The following SMC5 variants were observed in gnomAD, a reference collection of about 807,000 sequenced individuals.
SMC5 encodes the protein structural maintenance of chromosomes protein 5.
SMC5 carries 88 observed loss-of-function variants against 148.3 expected under a neutral mutation model. The observed-to-expected ratio is 0.59, with a 90% confidence interval of 0.50 to 0.71. SMC5 has a LOEUF of 0.71. Ranked by LOEUF, SMC5 falls within the 30% of genes least tolerant of loss-of-function variation. SMC5 has a pLI of 0.00. For synonymous variants in SMC5, 421 were observed against 432.8 expected, an observed-to-expected ratio of 0.97 and a Z score of 0.34; for missense variants, 1,142 against 1,298.9, an observed-to-expected ratio of 0.88 and a Z score of 1.86.
chr9:70,263,209 T>G (rs537281114), intron 1 of SMC5, among the ~76,000 whole-genome samples: 6 of 152,190 alleles, frequency 3.9e-5, no homozygotes, highest in Non-Finnish European at 5.9e-5. Flanking sequence ...CAAACTAGTT[T>G]TATTGTAACC....
intron 9 of SMC5, among the ~76,000 whole-genome samples, chr9:70,298,503 T>C (rs1435373079): frequency 6.6e-6 from 1 of 152,138 alleles, no homozygotes; most frequent in Non-Finnish European, 1.5e-5. Context: ...CACTCACTAT[T>C]ACTCATATCA....
At position 70,343,263 on chromosome 9, in the gene SMC5, G is replaced by A. The variant is rs28659881; in HGVS notation, c.2398-881G>A. 4.4e-3 allele frequency among the ~76,000 whole-genome samples: 668 copies of A among 152,018 alleles called. 7 individuals carry two copies. The highest frequency in any genetic ancestry group is 0.015 in the African/African-American group (609 of 41,474). The stretch of plus-strand genomic sequence containing the variant: ...CCAAGGGCCCAGCACATAAGCATTC[G>A]GTAAAGAGTATCTGTTTCTGTTATG... On this transcript the variant is annotated intron_variant, in intron 17 of 24. Coordinates refer to ENST00000361138, the MANE Select transcript of SMC5 (RefSeq NM_015110.4).
intron 20 of SMC5, 28 bp downstream of exon 20, chr9:70,347,189 G>T (rs746954943): frequency 1.9e-6 from 3 of 1,587,222 alleles, no homozygotes; most frequent in African/African-American, 1.3e-5. Flanking sequence ...TTCCCATTCT[G>T]CATCCAACCA....
At chr9:70,277,215 C>A in intron 3 of SMC5, 95 bp from the exon 4 acceptor site, 2 of 941,942 alleles carry the variant, frequency 2.1e-6, no homozygotes, top group Non-Finnish European at 2.9e-6. Flanking sequence ...ATAATTCTAT[C>A]TGGCACCTTT....
chr9:70,281,606 A>G (rs1045462574), intron 6 of SMC5, among the ~76,000 whole-genome samples: 1 of 152,182 alleles, frequency 6.6e-6, no homozygotes, highest in Non-Finnish European at 1.5e-5. Context: ...TAGGTAAGAA[A>G]GTTTTGTAGT....
In SMC5 at chr9:70,259,273, C is replaced by G; in HGVS notation, c.185+10C>G. Reference sequence around the variant, plus strand: ...CGATGGAGAACTTCCTGTAAGTTGCCCGGAGGCCGCGCCGCGGGTGTGGAG... The same window carrying G: ...CGATGGAGAACTTCCTGTAAGTTGCGCGGAGGCCGCGCCGCGGGTGTGGAG... On this transcript the variant is annotated intron_variant, in intron 1 of 24. Coordinates refer to ENST00000361138, the MANE Select transcript of SMC5 (RefSeq NM_015110.4). 1 of 1,563,278 alleles carries G rather than the reference C, an allele frequency of 6.4e-7. No individual in the cohort carries two copies. Among genetic ancestry groups the G allele is most frequent in the Non-Finnish European group, 8.7e-7 (1 of 1,152,826 alleles).
At chr9:70,263,587 G>C (rs901319281) in intron 1 of SMC5, among the ~76,000 whole-genome samples, 2 of 152,176 alleles carry the variant, frequency 1.3e-5, no homozygotes, top group Admixed American at 1.3e-4. Flanking sequence ...TTCACATTTT[G>C]TCATAACTGT....
At chr9:70,334,097 A>G (rs1193063535) in intron 17 of SMC5, among the ~76,000 whole-genome samples, 2 of 151,814 alleles carry the variant, frequency 1.3e-5, no homozygotes, top group Non-Finnish European at 2.9e-5. Flanking sequence ...TAGAGACTCA[A>G]GACATCCACA....
At chr9:70,310,510 C>A (rs578184624) in intron 11 of SMC5, among the ~76,000 whole-genome samples, 25 of 152,118 alleles carry the variant, frequency 1.6e-4, no homozygotes, top group Non-Finnish European at 3.2e-4. Context: ...GTTCAACTTA[C>A]AGAGCACGGG....
chr9:70,345,764 TTAC>T (rs1296460982), intron 18 of SMC5, among the ~76,000 whole-genome samples: 1 of 152,030 alleles, frequency 6.6e-6, no homozygotes, highest in African/African-American at 2.4e-5. Flanking sequence ...AAAAGTGACA[TTAC>T]TACTTTTATG....
chr9:70,271,212 A>T lies in SMC5; in HGVS notation c.380+3237A>T, dbSNP rs558843475. Reference sequence around the variant, plus strand: ...TCAACCTGTATATCACAGTATCATAATGTAAATTATTCAAATTGAGCTGTG... The same window carrying T: ...TCAACCTGTATATCACAGTATCATATTGTAAATTATTCAAATTGAGCTGTG... On this transcript the variant is annotated intron_variant, in intron 3 of 24. Coordinates refer to ENST00000361138, the MANE Select transcript of SMC5 (RefSeq NM_015110.4). Among the ~76,000 whole-genome samples, 85 of 152,280 alleles carry T rather than the reference A, an allele frequency of 5.6e-4. 2 individuals carry two copies. In the South Asian group the frequency reaches 0.017, roughly 31 times the overall value.
At chr9:70,299,380 A>T (rs894300820) in intron 9 of SMC5, among the ~76,000 whole-genome samples, 3 of 151,874 alleles carry the variant, frequency 2.0e-5, no homozygotes, top group Non-Finnish European at 2.9e-5. Flanking sequence ...GAGGGAAAAA[A>T]AAAGCTGTCT....
chr9:70,347,100 T>C lies in SMC5; in HGVS notation c.2603T>C (p.Ile868Thr), dbSNP rs1334236345. The C allele has an allele frequency of 1.2e-6, 2 of 1,614,004 alleles. No individual in the cohort carries two copies. The highest frequency in any genetic ancestry group is 2.2e-5 in the East Asian group (1 of 44,864). The change falls in exon 20 of 25, where the codon ATT becomes ACT. Residue 868 changes from isoleucine (I) to threonine (T), a missense_variant. Coordinates refer to ENST00000361138, the MANE Select transcript of SMC5 (RefSeq NM_015110.4). The part of the protein sequence containing the change: ...FQDLPNTLDE[I>T]DALLTEERSR... ...GACCTTCCAAACACATTGGATGAAA[T>C]TGATGCTTTATTAACTGAAGAAAGA...
chr9:70,328,555 G>A (rs2036144556), intron 17 of SMC5, among the ~76,000 whole-genome samples: 1 of 152,188 alleles, frequency 6.6e-6, no homozygotes, highest in Non-Finnish European at 1.5e-5. Context: ...GGCTCCCAAG[G>A]CTTTGGGCAG....
rs199849444 is a variant in SMC5, at chr9:70,323,651, G to A, written c.2274+45G>A. The A allele has an allele frequency of 1.5e-4, 243 of 1,573,316 alleles. No homozygotes were observed. The Middle Eastern group carries it at 1.7e-3, about 11-fold the overall frequency. The stretch of plus-strand genomic sequence containing the variant: ...TTAGTCATTTTTTAAAGGAAATAGC[G>A]GGCAGATAAGATAGTAAAATCTTTA... On this transcript the variant is annotated intron_variant, in intron 16 of 24. Transcript: ENST00000361138.
At chr9:70,295,829 T>G (rs2035187076) in intron 8 of SMC5, among the ~76,000 whole-genome samples, 1 of 152,172 alleles carries the variant, frequency 6.6e-6, no homozygotes, top group Non-Finnish European at 1.5e-5. Context: ...ATTGCAGACG[T>G]TCTGTTTGTT....
intron 5 of SMC5, among the ~76,000 whole-genome samples, chr9:70,280,135 T>G (rs1407284400): frequency 2.0e-5 from 3 of 152,232 alleles, no homozygotes; most frequent in Non-Finnish European, 4.4e-5. Flanking sequence ...GCTTCAGATA[T>G]TCTGTTCTTT....
chr9:70,277,181 T>TC, intron 3 of SMC5, 129 bp from the exon 4 acceptor site: 1 of 721,870 alleles, frequency 1.4e-6, no homozygotes. Flanking sequence ...GGCCAAAATA[T>TC]CAAAAGGAGT....
chr9:70,324,882 A>T (rs1330205121), intron 17 of SMC5, among the ~76,000 whole-genome samples: 1 of 152,190 alleles, frequency 6.6e-6, no homozygotes, highest in Non-Finnish European at 1.5e-5. Context: ...GGCAACCAAC[A>T]TTTTGGAGGT....
Sources: gnomAD v4.1 joint callset for allele counts (sites outside exome capture counted in the v4.1 genomes callset) on GRCh38, gnomAD v4.1.1 for gene constraint, MANE v1.5 for transcripts, NCBI Gene and HGNC (gene_info 2026-07-23, HGNC 2026-07-21) for gene names.